RANBP2: variants seen among roughly 807,000 people sequenced by gnomAD.
RANBP2 encodes the protein E3 SUMO-protein ligase RanBP2.
RANBP2 carries 57 observed loss-of-function variants against 303.6 expected under a neutral mutation model. The ratio of observed to expected loss-of-function variants is 0.19; its 90% confidence interval spans 0.15 to 0.23. RANBP2 has a LOEUF of 0.23. Among genes scored for constraint, RANBP2 ranks in the 10% least tolerant of loss-of-function variants. The probability of loss-of-function intolerance (pLI) is 1.00; values close to 1 mark genes in which losing one functional copy is unlikely to be tolerated. For synonymous variants in RANBP2, 1,167 were observed against 1,301.5 expected (o/e 0.90, Z 2.23); for missense variants, 3,138 against 3,780.8 (o/e 0.83, Z 4.46).
the RANBP2 span, among the ~76,000 whole-genome samples, chr2:109,427,255 C>T: frequency 5.9e-5 from 9 of 152,310 alleles, no homozygotes; most frequent in Middle Eastern, 0.027. Flanking sequence ...AGGCGTGAGT[C>T]ACCGTGCCTG....
chr2:109,220,044 A>G, the RANBP2 span, among the ~76,000 whole-genome samples: 1 of 152,246 alleles, frequency 6.6e-6, no homozygotes, highest in African/African-American at 2.4e-5. Flanking sequence ...AGCAATAGTA[A>G]TCAAAACTAT....
chr2:108,890,547 G>A, the RANBP2 span, among the ~76,000 whole-genome samples: 2 of 152,142 alleles, frequency 1.3e-5, no homozygotes, highest in South Asian at 2.1e-4. Flanking sequence ...ACCTGGTCAG[G>A]GGTTTTCTTG....
the RANBP2 span, among the ~76,000 whole-genome samples, chr2:109,166,192 A>G: frequency 6.6e-6 from 1 of 152,090 alleles, no homozygotes; most frequent in Non-Finnish European, 1.5e-5. Context: ...CAAAGGAAAG[A>G]TGCAGGCCAG....
At chr2:109,270,262 G>A in the RANBP2 span, among the ~76,000 whole-genome samples, 10 of 152,186 alleles carry the variant, frequency 6.6e-5, no homozygotes, top group African/African-American at 1.9e-4. Context: ...CACCTGAAGC[G>A]TAACCTTAAG....
chr2:108,831,700 T>TCTTC, the RANBP2 span, among the ~76,000 whole-genome samples: 19,249 of 145,068 alleles, frequency 0.13, 1,580 homozygotes, highest in African/African-American at 0.22. Flanking sequence ...TGGCACAGAA[T>TCTTC]CTTCCTTCCT....
intron 28 of RANBP2, 106 bp from the exon 29 acceptor site, chr2:108,783,490 G>A: frequency 1.3e-6 from 1 of 767,936 alleles, no homozygotes; most frequent in South Asian, 2.0e-5. Flanking sequence ...TGGGCTTTAG[G>A]ATTTAACATG....
At chr2:109,327,500 T>C in the RANBP2 span, among the ~76,000 whole-genome samples, 1 of 145,690 alleles carries the variant, frequency 6.9e-6, no homozygotes, top group Non-Finnish European at 1.5e-5. Flanking sequence ...GTCAAGTACT[T>C]TGTCAAGTAC....
the RANBP2 span, among the ~76,000 whole-genome samples, chr2:109,002,331 G>C: frequency 2.0e-5 from 3 of 152,290 alleles, no homozygotes; most frequent in African/African-American, 7.2e-5. Context: ...CAGCTTGCTA[G>C]GCTCTTAGGT....
the RANBP2 span, among the ~76,000 whole-genome samples, chr2:109,243,066 C>T: frequency 2.0e-5 from 3 of 152,218 alleles, no homozygotes; most frequent in East Asian, 5.8e-4. Flanking sequence ...ATGAAATCGG[C>T]TGTTCATATT....
chr2:109,703,689 A>G, the RANBP2 span, among the ~76,000 whole-genome samples: 1 of 152,108 alleles, frequency 6.6e-6, no homozygotes, highest in African/African-American at 2.4e-5. Context: ...TCGGCCTCCA[A>G]AAGTACTGGG....
At chr2:109,017,126 T>C in the RANBP2 span, among the ~76,000 whole-genome samples, 2,144 of 152,352 alleles carry the variant, frequency 0.014, 54 homozygotes, top group African/African-American at 0.049. Context: ...TCATTTCTCT[T>C]AGCAGCACAG....
chr2:109,177,284 G>C, the RANBP2 span, among the ~76,000 whole-genome samples: 1 of 152,214 alleles, frequency 6.6e-6, no homozygotes, highest in Non-Finnish European at 1.5e-5. Context: ...GGCTGGTGCA[G>C]AGAAGGAGCC....
At chr2:109,563,836 T>C in the RANBP2 span, among the ~76,000 whole-genome samples, 2 of 152,160 alleles carry the variant, frequency 1.3e-5, no homozygotes, top group African/African-American at 2.4e-5. Flanking sequence ...AAATGATTCC[T>C]GAGGACTGGT....
the RANBP2 span, among the ~76,000 whole-genome samples, chr2:109,161,066 T>A: frequency 6.6e-6 from 1 of 152,134 alleles, no homozygotes; most frequent in Non-Finnish European, 1.5e-5. Context: ...GTGAGGGTGC[T>A]TGTGATCACA....
At chr2:109,710,081 C>T in the RANBP2 span, among the ~76,000 whole-genome samples, 46 of 136,240 alleles carry the variant, frequency 3.4e-4, 1 homozygote, top group Admixed American at 2.6e-3. Context: ...AGCAAGACTC[C>T]GTCTCAAAAA....
At chr2:109,175,581 G>A in the RANBP2 span, among the ~76,000 whole-genome samples, 2 of 152,178 alleles carry the variant, frequency 1.3e-5, no homozygotes, top group Non-Finnish European at 2.9e-5. Context: ...TGCAGGAGCT[G>A]CAAATCTGAA....
At chr2:109,692,751 C>T in the RANBP2 span, among the ~76,000 whole-genome samples, 2 of 152,150 alleles carry the variant, frequency 1.3e-5, no homozygotes, top group Non-Finnish European at 2.9e-5. Context: ...GAGGGAAGGG[C>T]CCACATGCGC....
At chr2:109,002,029 C>T in the RANBP2 span, among the ~76,000 whole-genome samples, 3 of 152,188 alleles carry the variant, frequency 2.0e-5, no homozygotes, top group Admixed American at 6.5e-5. Context: ...TGCGCCCAGC[C>T]CATTAAAGCC....
At chr2:108,968,285 C>T in the RANBP2 span, among the ~76,000 whole-genome samples, 1 of 152,202 alleles carries the variant, frequency 6.6e-6, no homozygotes, top group African/African-American at 2.4e-5. Flanking sequence ...CTGACCCAGA[C>T]ATACTTCAAC....
Sources: gnomAD v4.1 joint callset for allele counts (sites outside exome capture counted in the v4.1 genomes callset) on GRCh38, gnomAD v4.1.1 for gene constraint, MANE v1.5 for transcripts, NCBI Gene and HGNC (gene_info 2026-07-23, HGNC 2026-07-21) for gene names.